Variants in NXPE2 observed in about 807,000 individuals in gnomAD.
The protein encoded by NXPE2 is NXPE family member 2.
NXPE2 carries 34 observed loss-of-function variants against 34.4 expected under a neutral mutation model. That is an observed-to-expected ratio of 0.99 (90% CI 0.75 to 1.31). The LOEUF (loss-of-function observed/expected upper bound fraction) is 1.31, where lower values mean the gene tolerates loss of function less well. Ranked by LOEUF, NXPE2 falls within the 40% of genes most tolerant of loss-of-function variation. NXPE2 has a pLI of 0.00. For synonymous variants in NXPE2, 235 were observed against 231.3 expected, an observed-to-expected ratio of 1.02 and a Z score of -0.15; for missense variants, 649 against 672.5, an observed-to-expected ratio of 0.97 and a Z score of 0.39.
At chr11:114,625,861 G>A in the NXPE2 span, among the ~76,000 whole-genome samples, 45 of 152,210 alleles carry the variant, frequency 3.0e-4, no homozygotes, top group South Asian at 6.2e-4. Context: ...TGCCTCACTC[G>A]GGAAGCGCAA....
chr11:114,637,390 A>C, the NXPE2 span, among the ~76,000 whole-genome samples: 1 of 152,050 alleles, frequency 6.6e-6, no homozygotes, highest in South Asian at 2.1e-4. Flanking sequence ...TGAATACAGC[A>C]CACTAATGGG....
the NXPE2 span, among the ~76,000 whole-genome samples, chr11:114,516,968 G>A: frequency 9.3e-3 from 1,416 of 152,258 alleles, 23 homozygotes; most frequent in African/African-American, 0.031. Context: ...TATTGCAATA[G>A]CCTGATACTT....
chr11:114,742,542 T>C, the NXPE2 span, among the ~76,000 whole-genome samples: 5 of 152,014 alleles, frequency 3.3e-5, no homozygotes, highest in Non-Finnish European at 7.4e-5. Context: ...TTTTTGGCAC[T>C]GAACTATGCT....
chr11:114,491,826 G>A, the NXPE2 span, among the ~76,000 whole-genome samples: 2 of 152,178 alleles, frequency 1.3e-5, no homozygotes, highest in Non-Finnish European at 2.9e-5. Context: ...ATACTATGCA[G>A]CCATAAAAAA....
chr11:114,707,339 GC>G (rs1167302070), downstream of NXPE2: 5 of 351,536 alleles, frequency 1.4e-5, no homozygotes, highest in East Asian at 4.1e-4. Flanking sequence ...TAGGTGATCT[GC>G]CCACCTCGGC....
the NXPE2 span, among the ~76,000 whole-genome samples, chr11:114,715,222 CTACT>C: frequency 6.6e-6 from 1 of 152,118 alleles, no homozygotes; most frequent in African/African-American, 2.4e-5. Context: ...ATTGCAGACA[CTACT>C]TAAAGTTTCA....
downstream of NXPE2, among the ~76,000 whole-genome samples, chr11:114,708,054 C>A (rs1440750969): frequency 6.6e-6 from 1 of 152,154 alleles, no homozygotes; most frequent in East Asian, 1.9e-4. Flanking sequence ...GATTGAATAG[C>A]AAATCATCAT....
At chr11:114,611,363 T>C in the NXPE2 span, among the ~76,000 whole-genome samples, 56 of 152,008 alleles carry the variant, frequency 3.7e-4, no homozygotes, top group African/African-American at 1.3e-3. Context: ...TGTTACCCGG[T>C]GGATAATAAG....
At chr11:114,724,670 C>T in the NXPE2 span, among the ~76,000 whole-genome samples, 2 of 151,806 alleles carry the variant, frequency 1.3e-5, no homozygotes, top group South Asian at 4.2e-4. Flanking sequence ...CATTGCACAC[C>T]CCCCGCCACC....
At chr11:114,741,123 T>C in the NXPE2 span, among the ~76,000 whole-genome samples, 1 of 152,210 alleles carries the variant, frequency 6.6e-6, no homozygotes, top group Non-Finnish European at 1.5e-5. Flanking sequence ...TTCTATTTTT[T>C]CTTTCAACAC....
At chr11:114,507,921 G>A in the NXPE2 span, among the ~76,000 whole-genome samples, 2 of 152,006 alleles carry the variant, frequency 1.3e-5, no homozygotes, top group Non-Finnish European at 2.9e-5. Flanking sequence ...ATAAATAAAG[G>A]CATCCAAATA....
chr11:114,805,543 C>A, the NXPE2 span, among the ~76,000 whole-genome samples: 1 of 152,244 alleles, frequency 6.6e-6, no homozygotes, highest in African/African-American at 2.4e-5. Context: ...GAGATTATAT[C>A]CCACACCTGG....
At chr11:114,543,645 G>C in the NXPE2 span, among the ~76,000 whole-genome samples, 1 of 152,014 alleles carries the variant, frequency 6.6e-6, no homozygotes, top group East Asian at 1.9e-4. Context: ...TTAATAATGA[G>C]AGATTAAACA....
the NXPE2 span, among the ~76,000 whole-genome samples, chr11:114,589,442 C>T: frequency 6.6e-6 from 1 of 152,110 alleles, no homozygotes; most frequent in Non-Finnish European, 1.5e-5. Context: ...TGGGGTGTCT[C>T]ATAAACACTC....
the NXPE2 span, among the ~76,000 whole-genome samples, chr11:114,796,698 A>G: frequency 6.6e-6 from 1 of 152,250 alleles, no homozygotes; most frequent in Non-Finnish European, 1.5e-5. Context: ...AAAGATGAAC[A>G]CATTCCTGGT....
the NXPE2 span, among the ~76,000 whole-genome samples, chr11:114,810,673 A>G: frequency 2.6e-5 from 4 of 152,076 alleles, no homozygotes; most frequent in Admixed American, 2.6e-4. Context: ...GCGATCATTA[A>G]AAAGTCAGGA....
At chr11:114,644,398 A>G in the NXPE2 span, among the ~76,000 whole-genome samples, 5 of 152,168 alleles carry the variant, frequency 3.3e-5, no homozygotes, top group Middle Eastern at 3.2e-3. Context: ...GGTTTGTCAT[A>G]AATTGCTCTT....
chr11:114,588,863 T>G, the NXPE2 span, among the ~76,000 whole-genome samples: 1 of 152,010 alleles, frequency 6.6e-6, no homozygotes, highest in Non-Finnish European at 1.5e-5. Context: ...AATGACAAGT[T>G]TATTACACAG....
At chr11:114,621,243 G>C in the NXPE2 span, among the ~76,000 whole-genome samples, 1 of 151,132 alleles carries the variant, frequency 6.6e-6, no homozygotes, top group Non-Finnish European at 1.5e-5. Flanking sequence ...ACAGTTACCC[G>C]GTGGATAATA....
Sources: allele counts gnomAD v4.1 joint callset (sites outside exome capture counted in the v4.1 genomes callset), GRCh38; gene constraint gnomAD v4.1.1; transcripts MANE v1.5; gene names NCBI Gene and HGNC (gene_info 2026-07-23, HGNC 2026-07-21).